Variants in KIDINS220 observed in about 807,000 individuals in gnomAD.
KIDINS220 encodes the protein kinase D-interacting substrate of 220 kDa.
In KIDINS220, 63 loss-of-function variants were observed where a neutral mutation model predicts 157.6. The ratio of observed to expected loss-of-function variants is 0.40; its 90% CI spans 0.33 to 0.49. KIDINS220 has a LOEUF of 0.49. KIDINS220 is among the 20% of genes least tolerant of loss of function. KIDINS220 has a pLI of 0.66. For missense variants in KIDINS220, 1,772 were observed against 2,171.2 expected (o/e 0.82, Z 3.65); for synonymous variants, 732 against 783.6 (o/e 0.93, Z 1.10).
intron 2 of KIDINS220, 123 bp downstream of exon 2, chr2:8,826,863 A>G (rs1678887218): frequency 1.1e-5 from 5 of 450,270 alleles, no homozygotes; most frequent in Non-Finnish European, 2.0e-5. Context: ...ACATTCTATC[A>G]TAAGTACAGT....
intron 22 of KIDINS220, chr2:8,757,775 T>C: frequency 6.2e-7 from 1 of 1,610,824 alleles, no homozygotes; most frequent in Non-Finnish European, 8.5e-7. Flanking sequence ...CACAACTGTC[T>C]GCTCCACAGC....
In KIDINS220 at chr2:8,733,614, T is replaced by G. The variant is rs1363596916; in HGVS notation, c.3883A>C (p.Ser1295Arg). The G allele has an allele frequency of 6.2e-7, 1 of 1,612,228 alleles. No homozygotes were observed. The highest frequency in any genetic ancestry group is 1.1e-5 in the South Asian group (1 of 90,964). ...PEDPRFLSES[S>R]SGPAPHGEPA... Reference sequence around the variant, plus strand: ...TCACCGTGCGGGGCTGGGCCACTGCTGCTCTCACTGAGGAAACGTGGGTCT... The same window carrying G: ...TCACCGTGCGGGGCTGGGCCACTGCGGCTCTCACTGAGGAAACGTGGGTCT... The change falls in exon 29 of 30, where the codon AGC (serine) becomes CGC (arginine). Residue 1295 changes from serine (S) to arginine (R), a missense_variant. Physicochemically the swap from Ser to Arg is moderately radical, Grantham distance 110. Coordinates refer to ENST00000256707, the MANE Select transcript of KIDINS220 (RefSeq NM_020738.4).
chr2:8,769,592 T>C (rs181666490), intron 22 of KIDINS220, among the ~76,000 whole-genome samples: 29 of 152,358 alleles, frequency 1.9e-4, no homozygotes, highest in Admixed American at 1.0e-3. Context: ...TATATTGGTA[T>C]GAATTATTAC....
At chr2:8,744,391 ATATATATATAATATATATATAT>A (rs1666215397) in intron 26 of KIDINS220, among the ~76,000 whole-genome samples, 2 of 27,296 alleles carry the variant, frequency 7.3e-5, no homozygotes, top group African/African-American at 3.6e-4. Flanking sequence ...AAAAAAAAAT[ATATATATATAATATATATATAT>A]ATATATATAT....
intron 12 of KIDINS220, among the ~76,000 whole-genome samples, chr2:8,793,103 A>G (rs1403311012): frequency 6.6e-6 from 1 of 152,150 alleles, no homozygotes; most frequent in Non-Finnish European, 1.5e-5. Flanking sequence ...ATAGGGGGTA[A>G]TGGGGAATTT....
At position 8,729,921 on chromosome 2, in the gene KIDINS220, G is replaced by C. The variant is rs1446649424; in HGVS notation, c.*799C>G. ...TTCTTCTCATTGCTAAGCTCACTTAGAAAAGTTGGGCACCATTTAAAAGAG... is the reference window on the plus strand; with the variant it reads ...TTCTTCTCATTGCTAAGCTCACTTACAAAAGTTGGGCACCATTTAAAAGAG... On this transcript the variant is annotated 3_prime_UTR_variant, in exon 30 of 30. Coordinates refer to ENST00000256707, the MANE Select transcript of KIDINS220 (RefSeq NM_020738.4). 1.0e-6 allele frequency: 1 copy of C among 985,060 alleles called. No individual in the cohort carries two copies. Among genetic ancestry groups the C allele is most frequent in the Non-Finnish European group, 1.2e-6 (1 of 829,908 alleles). The allele number at this position is 985,060 out of a possible 1,614,324, so 61.0% of individuals were successfully genotyped here.
rs991899969 is a variant in KIDINS220, at chr2:8,786,041, A to C, written c.1940-11T>G. ...TCCATTTCTTTTTACCTGTAATGCA[A>C]CAAATGGTTTTAATAATTAACATAT... On this transcript the variant is annotated splice_polypyrimidine_tract_variant and intron_variant, in intron 16 of 29. Coordinates refer to ENST00000256707, the MANE Select transcript of KIDINS220 (RefSeq NM_020738.4). The C allele has an allele frequency of 6.3e-7, 1 of 1,593,400 alleles. No individual in the cohort carries two copies. Among genetic ancestry groups the C allele is most frequent in the Non-Finnish European group, 8.5e-7 (1 of 1,171,338 alleles).
intron 2 of KIDINS220, among the ~76,000 whole-genome samples, chr2:8,820,359 G>T (rs1677756822): frequency 6.6e-6 from 1 of 152,196 alleles, no homozygotes. Context: ...TACCCAGTGT[G>T]AGGGACAGTG....
chr2:8,778,152 T>C (rs1428822945), intron 20 of KIDINS220, among the ~76,000 whole-genome samples: 4 of 152,138 alleles, frequency 2.6e-5, no homozygotes, highest in African/African-American at 4.8e-5. Flanking sequence ...GGACAACCAA[T>C]GTTTTGGAGA....
intron 5 of KIDINS220, 28 bp downstream of exon 5, chr2:8,813,209 A>G: frequency 6.4e-7 from 1 of 1,550,432 alleles, no homozygotes; most frequent in African/African-American, 1.4e-5. Flanking sequence ...CACTTATAAT[A>G]CAAACAAATT....
chr2:8,789,377 T>C (rs1352959493), intron 14 of KIDINS220, among the ~76,000 whole-genome samples: 2 of 140,328 alleles, frequency 1.4e-5, no homozygotes, highest in Non-Finnish European at 3.0e-5. Context: ...AACCTCCCCC[T>C]CCCAGGTTCA....
rs1477443043 is a variant in KIDINS220, at chr2:8,731,349, T to C, written c.4687A>G (p.Ile1563Val). 1 of 1,614,228 alleles carries C rather than the reference T, an allele frequency of 6.2e-7. No homozygotes were observed. The highest frequency in any genetic ancestry group is 1.1e-5 in the South Asian group (1 of 91,090). ...PKSPEHSAEP[I>V]RTFIKAKEYL... is the part of the protein sequence containing the mutation. Reference sequence around the variant, plus strand: ...TCTTTGGCTTTAATGAAGGTTCTGATCGGCTCAGCACTGTGTTCTGGAGAC... The same window carrying C: ...TCTTTGGCTTTAATGAAGGTTCTGACCGGCTCAGCACTGTGTTCTGGAGAC... The change falls in exon 30 of 30, where the codon ATC (isoleucine) becomes GTC (valine). Residue 1563 changes from isoleucine to valine, a missense_variant. Physicochemically the swap from Ile to Val is conservative, Grantham distance 29 (BLOSUM62 3). Coordinates refer to ENST00000256707, the MANE Select transcript of KIDINS220 (RefSeq NM_020738.4). This position sits in a 1 kb window ranked among gnomAD's most constrained non-coding sequence, Gnocchi z 5.2.
At chr2:8,793,202 A>T (rs1040308174) in intron 12 of KIDINS220, among the ~76,000 whole-genome samples, 2 of 152,054 alleles carry the variant, frequency 1.3e-5, no homozygotes, top group African/African-American at 4.8e-5. Flanking sequence ...TAAAATACAA[A>T]AAGTCATAAA....
intron 26 of KIDINS220, among the ~76,000 whole-genome samples, chr2:8,743,152 T>A (rs981199580): frequency 2.0e-5 from 3 of 152,104 alleles, no homozygotes; most frequent in Admixed American, 6.6e-5. Context: ...AGTGAAAACA[T>A]CCCTGGAAAG....
intron 12 of KIDINS220, 73 bp downstream of exon 12, chr2:8,793,737 C>A: frequency 7.3e-7 from 1 of 1,374,132 alleles, no homozygotes; most frequent in Non-Finnish European, 9.8e-7. Flanking sequence ...CCATGCCTGG[C>A]CTTATTTTCC....
rs1438054052 is a variant in KIDINS220 at position 8,750,151 on chromosome 2, G to GT, written c.3374dup (p.Tyr1125Ter). ...VVSPQPHSSYYSGMTGPQHPF... is the reference protein window; with the variant it reads ...VVSPQPHSSY ...GATGCTGAGGGCCCGTCATGCCGCT[G>GT]TAATAGCTGCTGTGAGGCTGTGGTG... The change falls in exon 24 of 30, where the codon TAC becomes TAAC. Residue 1125 changes from tyrosine to a stop codon, truncating the protein, a stop_gained and frameshift_variant. Coordinates refer to ENST00000256707, the MANE Select transcript of KIDINS220 (RefSeq NM_020738.4). LOFTEE classifies it high-confidence loss of function. The GT allele has an allele frequency of 1.5e-5, 25 of 1,614,062 alleles. No individual in the cohort carries two copies. The highest frequency in any genetic ancestry group is 2.1e-5 in the Non-Finnish European group (25 of 1,180,020).
At position 8,789,958 on chromosome 2, in the gene KIDINS220, A is replaced by G; in HGVS notation, c.1543T>C (p.Leu515=). Residue 515 remains leucine (L), a synonymous_variant, in exon 14 of 30, where the codon TTG becomes CTG. Transcript: ENST00000256707. ...TLLLCGGLGL[L]FAFTVHPNLG... Reference sequence around the variant, plus strand: ...TTTGGGTGGACCGTGAAGGCAAACAATAAACCAAGCCCTCCACAAAGTAGC... The same window carrying G: ...TTTGGGTGGACCGTGAAGGCAAACAGTAAACCAAGCCCTCCACAAAGTAGC... 1 of 1,614,088 alleles carries G rather than the reference A, an allele frequency of 6.2e-7. No homozygotes were observed. Among genetic ancestry groups the G allele is most frequent in the Non-Finnish European group, 8.5e-7 (1 of 1,179,988 alleles).
chr2:8,737,826 C>T (rs1459748164), intron 26 of KIDINS220, among the ~76,000 whole-genome samples: 1 of 152,170 alleles, frequency 6.6e-6, no homozygotes, highest in East Asian at 1.9e-4. Flanking sequence ...AGTCACAGAA[C>T]AAATAACTAG....
chr2:8,776,750 G>A lies in KIDINS220; in HGVS notation c.2846C>T (p.Thr949Ile). Reference protein sequence around the residue: ...MRRLLNIVSVTGRLLRANQIS... With the variant: ...MRRLLNIVSVIGRLLRANQIS... ...AGACAATAAGAGACAAAAGTCACCT[G>A]TCACAGAAACAATATTAAGTAATCT... Residue 949 changes from threonine (T) to isoleucine (I), a missense_variant and splice_region_variant, in exon 21 of 30, where the codon ACA (threonine) becomes ATA (isoleucine). Thr to Ile is a moderately conservative substitution (Grantham distance 89). Coordinates refer to ENST00000256707, the MANE Select transcript of KIDINS220 (RefSeq NM_020738.4). The A allele has an allele frequency of 6.2e-7, 1 of 1,612,534 alleles. No homozygotes were observed. Among genetic ancestry groups the A allele is most frequent in the Non-Finnish European group, 8.5e-7 (1 of 1,179,388 alleles).
Sources: allele counts gnomAD v4.1 joint callset (sites outside exome capture counted in the v4.1 genomes callset), GRCh38; gene constraint gnomAD v4.1.1; non-coding constraint Gnocchi (gnomAD v3.1); transcripts MANE v1.5; gene names NCBI Gene and HGNC (gene_info 2026-07-23, HGNC 2026-07-21).